The following PI4KA variants were observed in gnomAD, a reference collection of about 807,000 sequenced individuals.
PI4KA encodes phosphatidylinositol 4-kinase alpha.
In PI4KA, 122 loss-of-function variants were observed where a neutral mutation model predicts 271.4. That is an observed-to-expected ratio of 0.45 (90% CI 0.39 to 0.52). The LOEUF is 0.52. PI4KA is among the 20% of genes least tolerant of loss of function. PI4KA has a pLI of 0.00. For missense variants in PI4KA, 1,969 were observed against 2,769.1 expected (o/e 0.71, Z 6.48); for synonymous variants, 1,041 against 1,078.8 (o/e 0.96, Z 0.69).
In PI4KA at chr22:20,782,733, G is replaced by C. The variant is rs368508597; in HGVS notation, c.2328+10460C>G. 3.3e-4 allele frequency among the ~76,000 whole-genome samples: 51 copies of C among 152,268 alleles called. No individual in the cohort carries two copies. In the South Asian group the frequency reaches 0.011, roughly 32 times the overall value. On this transcript the variant is annotated intron_variant, in intron 19 of 54. Transcript: ENST00000255882. Reference sequence around the variant, plus strand: ...GAGTAAGCATTACTGGTATCTAGAAGGGGGAGGCTGGGGATGTTGCTAAAC... The same window carrying C: ...GAGTAAGCATTACTGGTATCTAGAACGGGGAGGCTGGGGATGTTGCTAAAC...
chr22:20,808,952 A>G (rs577415459), intron 9 of PI4KA, among the ~76,000 whole-genome samples: 1 of 152,274 alleles, frequency 6.6e-6, no homozygotes, highest in South Asian at 2.1e-4. Flanking sequence ...AGGTTGACAG[A>G]GGGTGAGTGA....
intron 6 of PI4KA, among the ~76,000 whole-genome samples, chr22:20,818,997 A>G (rs1163996374): frequency 6.6e-6 from 1 of 152,246 alleles, no homozygotes; most frequent in Non-Finnish European, 1.5e-5. Flanking sequence ...AATGAGAAGA[A>G]ACAGGTTAAG....
intron 29 of PI4KA, among the ~76,000 whole-genome samples, chr22:20,745,909 G>A (rs1461901498): frequency 6.6e-6 from 1 of 151,842 alleles, no homozygotes; most frequent in Non-Finnish European, 1.5e-5. Flanking sequence ...TGCGATCTCG[G>A]CTCACTGCAG....
intron 28 of PI4KA, among the ~76,000 whole-genome samples, chr22:20,749,155 C>A (rs977505684): frequency 6.6e-6 from 1 of 152,208 alleles, no homozygotes. Context: ...TTTCTTGCCA[C>A]TGCGTTTCCA....
chr22:20,787,108 C>T lies in PI4KA; in HGVS notation c.2328+6085G>A, dbSNP rs757591687. On this transcript the variant is annotated intron_variant, in intron 19 of 54. Coordinates refer to ENST00000255882, the MANE Select transcript of PI4KA (RefSeq NM_058004.4). ...GTCTGAAGTGCCTTGGGGGCACCCT[C>T]ATTTTGTTTCCATTCCAACAACGAG... The T allele has an allele frequency of 6.5e-6, 10 of 1,534,402 alleles. No homozygotes were observed. The South Asian group carries it at 1.1e-4, about 17-fold the overall frequency.
chr22:20,766,429 C>T (rs1344005368), intron 19 of PI4KA, among the ~76,000 whole-genome samples: 6 of 152,050 alleles, frequency 3.9e-5, no homozygotes, highest in African/African-American at 1.4e-4. Context: ...TTTGGGAGGC[C>T]GAGGTGGGCA....
intron 3 of PI4KA, 80 bp from the exon 4 acceptor site, chr22:20,824,494 T>C: frequency 2.1e-6 from 2 of 964,878 alleles, no homozygotes; most frequent in South Asian, 3.1e-5. Flanking sequence ...TTCAATATGT[T>C]CCCTCTCACC....
At position 20,733,092 on chromosome 22, in the gene PI4KA, G is replaced by C; in HGVS notation, c.4167C>G (p.Pro1389=). 6.2e-7 allele frequency: 1 copy of C among 1,611,996 alleles called. No homozygotes were observed. The highest frequency in any genetic ancestry group is 1.1e-5 in the South Asian group (1 of 90,988). Reference sequence around the variant, plus strand: ...TCTCTCCTTGAGTAGGGAACTTTGGGGGACAGCTTCAAACAACCATAAGAG... The same window carrying C: ...TCTCTCCTTGAGTAGGGAACTTTGGCGGACAGCTTCAAACAACCATAAGAG... ...YSTAFDYFSC[P]PKFPTQGEKR... is the part of the protein sequence containing the mutation. The change falls in exon 36 of 55, where the codon CCC becomes CCG. Residue 1389 remains proline (P), a synonymous_variant. Transcript: ENST00000255882.
intron 1 of PI4KA, among the ~76,000 whole-genome samples, chr22:20,855,521 C>G (rs1318244581): frequency 2.6e-5 from 4 of 152,060 alleles, no homozygotes; most frequent in Admixed American, 1.3e-4. Flanking sequence ...GTACTCATGG[C>G]TAAATTTTTT....
intron 19 of PI4KA, chr22:20,786,009 G>A (rs368023291): frequency 3.1e-5 from 50 of 1,613,978 alleles, no homozygotes; most frequent in Non-Finnish European, 3.8e-5. Context: ...TCTAGAACTC[G>A]AGAAGTGCTT....
chr22:20,745,487 G>C (rs1183767985), intron 29 of PI4KA, among the ~76,000 whole-genome samples: 1 of 151,880 alleles, frequency 6.6e-6, no homozygotes, highest in Non-Finnish European at 1.5e-5. Flanking sequence ...ATTTTTTTTT[G>C]AGGGGACATG....
intron 19 of PI4KA, among the ~76,000 whole-genome samples, chr22:20,774,435 TG>T (rs1274776909): frequency 1.3e-5 from 2 of 152,222 alleles, no homozygotes; most frequent in African/African-American, 4.8e-5. Context: ...AGAATATCCT[TG>T]CTCTTGGGTA....
chr22:20,834,601 C>A lies in PI4KA; in HGVS notation c.328G>T (p.Val110Leu). The A allele has an allele frequency of 6.2e-7, 1 of 1,611,842 alleles. No individual in the cohort carries two copies. Among genetic ancestry groups the A allele is most frequent in the Non-Finnish European group, 8.5e-7 (1 of 1,177,954 alleles). Residue 110 changes from valine (V) to leucine (L), a missense_variant, in exon 3 of 55, where the codon GTG becomes TTG. Physicochemically the swap from Val to Leu is conservative, Grantham distance 32. This residue lies in a region of PI4KA where 540 missense variants were observed against 555.5 expected (regional missense o/e 0.97). Transcript: ENST00000255882. ...GCTGTGCTTTCTTCTACCCAATACACTTTTGGAAGACCTTTGAGAAGTCGA... is the reference window on the plus strand; with the variant it reads ...GCTGTGCTTTCTTCTACCCAATACAATTTTGGAAGACCTTTGAGAAGTCGA... The part of the protein sequence containing the change: ...LLRLLKGLPK[V>L]YWVEESTARK...
chr22:20,798,573 G>T lies in PI4KA; in HGVS notation c.2108+11C>A. 1.3e-6 allele frequency: 2 copies of T among 1,505,012 alleles called. No homozygotes were observed. Among genetic ancestry groups the T allele is most frequent in the Non-Finnish European group, 9.3e-7 (1 of 1,080,506 alleles). 93.2% of individuals were successfully genotyped at this position (1,505,012 alleles called of 1,614,324 possible). On this transcript the variant is annotated intron_variant, in intron 17 of 54. Transcript: ENST00000255882. Reference sequence around the variant, plus strand: ...TGTCATGATAAAAAAGTGACAATGAGGTCCAGTTACCTATAGCCGTGGTCC... The same window carrying T: ...TGTCATGATAAAAAAGTGACAATGATGTCCAGTTACCTATAGCCGTGGTCC...
chr22:20,781,448 T>C (rs941285624), intron 19 of PI4KA, among the ~76,000 whole-genome samples: 3 of 152,212 alleles, frequency 2.0e-5, no homozygotes, highest in Admixed American at 1.3e-4. Context: ...CGTGGTTTTA[T>C]AGCAGCCCAG....
chr22:20,734,970 T>A lies in PI4KA; in HGVS notation c.3742-417A>T, dbSNP rs141540123. 2.9e-3 allele frequency among the ~76,000 whole-genome samples: 438 copies of A among 152,158 alleles called. 1 individual carries two copies. Among genetic ancestry groups the A allele is most frequent in the African/African-American group, 9.9e-3 (412 of 41,512 alleles). ...GAGGGTTCTGGATCCAGAGCCTGGC[T>A]CCTCCTCTCCACCCCACACAGACCC... On this transcript the variant is annotated intron_variant, in intron 32 of 54. Transcript: ENST00000255882.
rs904070907 is a variant in PI4KA at position 20,712,986 on chromosome 22, A to G, written c.5572-189T>C. The G allele has an allele frequency of 7.9e-6, 5 of 629,716 alleles. No individual in the cohort carries two copies. In the Admixed American group the frequency reaches 1.2e-4, roughly 15 times the overall value. The allele number at this position is 629,716 out of a possible 1,614,324, so 39.0% of individuals were successfully genotyped here. The stretch of plus-strand genomic sequence containing the variant: ...CTGGACTCAGGCTGCTGGGACCACC[A>G]GGCCCTGGGCTGAGCATGAGGCTGA... On this transcript the variant is annotated intron_variant, in intron 48 of 54. Coordinates refer to ENST00000255882, the MANE Select transcript of PI4KA (RefSeq NM_058004.4).
In PI4KA at chr22:20,729,356, C is replaced by A. The variant is rs370079057; in HGVS notation, c.4639G>T (p.Ala1547Ser). ...GCTAGGTAGGGAGAGATGCTCCAGG[C>A]GAGGTTCACGTTGTCCTTCCACTGC... The part of the protein sequence containing the change: ...EKQWKDNVNL[A>S]WSISPYLAVQ... Residue 1547 changes from alanine to serine, a missense_variant, in exon 39 of 55, where the codon GCC becomes TCC. By Grantham distance (99) the Ala-to-Ser change is moderately conservative. Coordinates refer to ENST00000255882, the MANE Select transcript of PI4KA (RefSeq NM_058004.4). 6.2e-7 allele frequency: 1 copy of A among 1,614,034 alleles called. No homozygotes were observed. The highest frequency in any genetic ancestry group is 8.5e-7 in the Non-Finnish European group (1 of 1,179,974).
At chr22:20,727,668 T>C (rs1927526045) in intron 40 of PI4KA, 106 bp downstream of exon 40, 2 of 839,032 alleles carry the variant, frequency 2.4e-6, no homozygotes, top group African/African-American at 1.7e-5. Context: ...AGCACTGAAG[T>C]TGCCAAGCGG....
Sources: gnomAD v4.1 joint callset for allele counts (sites outside exome capture counted in the v4.1 genomes callset) on GRCh38, gnomAD v4.1.1 for gene constraint, gnomAD v4.1.1 regional missense constraint, MANE v1.5 for transcripts, NCBI Gene and HGNC (gene_info 2026-07-23, HGNC 2026-07-21) for gene names.